RAP1GDS1: variants seen among roughly 807,000 people sequenced by gnomAD.
The protein encoded by RAP1GDS1 is RAP1, GTP-GDP dissociation stimulator 1.
Under a neutral mutation model 71.1 loss-of-function variants are expected in RAP1GDS1, and 35 were observed. The ratio of observed to expected loss-of-function variants is 0.49; its 90% confidence interval spans 0.38 to 0.65. The LOEUF (loss-of-function observed/expected upper bound fraction) is 0.65, where lower values mean the gene tolerates loss of function less well. Among genes scored for constraint, RAP1GDS1 ranks in the 30% least tolerant of loss-of-function variants. The probability of loss-of-function intolerance (pLI) is 0.00; values close to 1 mark genes in which losing one functional copy is unlikely to be tolerated. For missense variants in RAP1GDS1, 663 were observed against 706.1 expected (o/e 0.94, Z 0.69); for synonymous variants, 229 against 243.1 (o/e 0.94, Z 0.54).
intron 2 of RAP1GDS1, among the ~76,000 whole-genome samples, chr4:98,304,099 A>G (rs977544052): frequency 1.3e-5 from 2 of 152,082 alleles, no homozygotes; most frequent in African/African-American, 4.8e-5. Context: ...TCTATCATTG[A>G]TGGGCATTTG....
intron 2 of RAP1GDS1, among the ~76,000 whole-genome samples, chr4:98,329,138 T>C (rs1733568492): frequency 6.6e-6 from 1 of 152,204 alleles, no homozygotes; most frequent in Non-Finnish European, 1.5e-5. Flanking sequence ...AATAGATTTT[T>C]ATTGAACCTT....
At chr4:98,312,409 T>G (rs574740651) in intron 2 of RAP1GDS1, among the ~76,000 whole-genome samples, 1 of 152,294 alleles carries the variant, frequency 6.6e-6, no homozygotes, top group African/African-American at 2.4e-5. Flanking sequence ...TATTTCTAGC[T>G]CCTAGATAAA....
intron 7 of RAP1GDS1, among the ~76,000 whole-genome samples, chr4:98,413,838 A>G (rs1747476933): frequency 6.6e-6 from 1 of 151,740 alleles, no homozygotes; most frequent in Admixed American, 6.6e-5. Context: ...TCCCACCAAC[A>G]GTGTAAAAGT....
intron 6 of RAP1GDS1, among the ~76,000 whole-genome samples, chr4:98,393,825 G>A (rs1211754389): frequency 6.6e-6 from 1 of 152,166 alleles, no homozygotes; most frequent in East Asian, 1.9e-4. Context: ...TTGATTGCAT[G>A]TTGACATGAT....
chr4:98,402,405 G>C lies in RAP1GDS1; in HGVS notation c.638-2072G>C, dbSNP rs77527506. On this transcript the variant is annotated intron_variant, in intron 6 of 14. Transcript: ENST00000408927. ...AAATGAAACCTCCTTTTTGGGTGGA[G>C]TGTGCTGACATTTGCTGAATGTGGT... Among the ~76,000 whole-genome samples the C allele has an allele frequency of 1.2e-4, 18 of 152,212 alleles. No homozygotes were observed. The East Asian group carries it at 3.5e-3, about 29-fold the overall frequency.
intron 1 of RAP1GDS1, among the ~76,000 whole-genome samples, chr4:98,284,333 G>C (rs1286436922): frequency 6.6e-6 from 1 of 151,992 alleles, no homozygotes; most frequent in East Asian, 1.9e-4. Context: ...CATCACCCAG[G>C]TACTGAACAT....
chr4:98,409,797 T>C (rs1746748987), intron 7 of RAP1GDS1: 1 of 339,360 alleles, frequency 2.9e-6, no homozygotes, highest in Admixed American at 3.5e-5. Flanking sequence ...TTCTAGACTA[T>C]TAAAAAGTAT....
At chr4:98,322,343 C>G (rs1732078403) in intron 2 of RAP1GDS1, among the ~76,000 whole-genome samples, 1 of 97,924 alleles carries the variant, frequency 1.0e-5, no homozygotes, top group African/African-American at 4.2e-5. Context: ...ACCCCACTGT[C>G]AACATTAGAC....
At chr4:98,302,699 A>G (rs1728738714) in intron 2 of RAP1GDS1, among the ~76,000 whole-genome samples, 1 of 152,128 alleles carries the variant, frequency 6.6e-6, no homozygotes, top group African/African-American at 2.4e-5. Context: ...TAAAGATAAA[A>G]ACAAATACAG....
chr4:98,273,429 A>G (rs190244488), intron 1 of RAP1GDS1, among the ~76,000 whole-genome samples: 25 of 152,324 alleles, frequency 1.6e-4, no homozygotes, highest in Admixed American at 1.4e-3. Context: ...TTTTTTTACT[A>G]CATTTGAAAT....
intron 4 of RAP1GDS1, among the ~76,000 whole-genome samples, chr4:98,356,190 A>G (rs1737945304): frequency 6.6e-6 from 1 of 152,170 alleles, no homozygotes; most frequent in African/African-American, 2.4e-5. Flanking sequence ...GGGATACACC[A>G]GGGAATGTGG....
At chr4:98,372,833 T>C (rs928684780) in intron 4 of RAP1GDS1, among the ~76,000 whole-genome samples, 4 of 152,032 alleles carry the variant, frequency 2.6e-5, no homozygotes, top group African/African-American at 9.7e-5. Flanking sequence ...TACAAGTGCA[T>C]GCCACAATGC....
intron 1 of RAP1GDS1, among the ~76,000 whole-genome samples, chr4:98,273,292 C>G (rs985888799): frequency 1.3e-5 from 2 of 152,052 alleles, no homozygotes; most frequent in African/African-American, 4.8e-5. Context: ...ATAACATAAC[C>G]ACATTTATTT....
At chr4:98,282,212 G>GAAT (rs1186010169) in intron 1 of RAP1GDS1, among the ~76,000 whole-genome samples, 1 of 152,146 alleles carries the variant, frequency 6.6e-6, no homozygotes, top group African/African-American at 2.4e-5. Context: ...ACCTCTGGTA[G>GAAT]AATTCGGCTG....
Position 98,301,552 on chromosome 4 carries a change from A to G in RAP1GDS1, c.112+8037A>G, listed in dbSNP as rs538684910. On this transcript the variant is annotated intron_variant, in intron 2 of 14. Coordinates refer to ENST00000408927, the MANE Select transcript of RAP1GDS1 (RefSeq NM_001100427.2). ...AGACTTCAAATTATTACAGAGATAA[A>G]TAAATATCCAAATCTAGCCTACTCA... Among the ~76,000 whole-genome samples, 14 of 152,308 alleles carry G rather than the reference A, an allele frequency of 9.2e-5. No individual in the cohort carries two copies. The South Asian group carries it at 2.9e-3, about 32-fold the overall frequency.
intron 4 of RAP1GDS1, among the ~76,000 whole-genome samples, chr4:98,355,462 T>C (rs1737819018): frequency 6.6e-6 from 1 of 152,192 alleles, no homozygotes; most frequent in Admixed American, 6.5e-5. Context: ...TTACAGTAGA[T>C]AGTAAAGTTG....
intron 12 of RAP1GDS1, among the ~76,000 whole-genome samples, chr4:98,423,218 G>A (rs188693005): frequency 1.1e-4 from 17 of 152,286 alleles, no homozygotes; most frequent in Admixed American, 3.9e-4. Context: ...TATTTTAGGC[G>A]TTAACTAGGA....
chr4:98,353,723 G>A (rs1297666874), intron 4 of RAP1GDS1, among the ~76,000 whole-genome samples: 2 of 152,104 alleles, frequency 1.3e-5, no homozygotes, highest in African/African-American at 4.8e-5. Context: ...TCAGTCCCCA[G>A]TATAGCCTGT....
intron 2 of RAP1GDS1, among the ~76,000 whole-genome samples, chr4:98,308,169 T>C (rs1466305906): frequency 1.3e-5 from 2 of 151,048 alleles, no homozygotes; most frequent in Non-Finnish European, 2.9e-5. Context: ...TGTGTGTGTG[T>C]GTGTATGTAT....
Sources: gnomAD v4.1 joint callset for allele counts (sites outside exome capture counted in the v4.1 genomes callset) on GRCh38, gnomAD v4.1.1 for gene constraint, MANE v1.5 for transcripts, NCBI Gene and HGNC (gene_info 2026-07-23, HGNC 2026-07-21) for gene names.